Variants in CNOT2 observed in about 807,000 individuals in gnomAD.
CNOT2 encodes the protein CCR4-NOT transcription complex subunit 2.
In CNOT2, 7 loss-of-function variants were observed where a neutral mutation model predicts 72.1. The ratio of observed to expected loss-of-function variants is 0.10; its 90% CI spans 0.06 to 0.18. The LOEUF is 0.18. Among genes scored for constraint, CNOT2 ranks in the 10% least tolerant of loss-of-function variants. The pLI is 1.00. For missense variants in CNOT2, 345 were observed against 660.3 expected, an observed-to-expected ratio of 0.52 and a Z score of 5.23; for synonymous variants, 196 against 225.6, an observed-to-expected ratio of 0.87 and a Z score of 1.17.
At chr12:70,296,064 A>G (rs1872747737) in intron 2 of CNOT2, among the ~76,000 whole-genome samples, 1 of 152,156 alleles carries the variant, frequency 6.6e-6, no homozygotes, top group Non-Finnish European at 1.5e-5. Flanking sequence ...TATTTTCTGA[A>G]TAAAGCAGCT....
intron 3 of CNOT2, among the ~76,000 whole-genome samples, chr12:70,313,133 C>A (rs895376874): frequency 6.6e-6 from 1 of 151,916 alleles, no homozygotes; most frequent in Non-Finnish European, 1.5e-5. Context: ...AGTAAAACAT[C>A]ATTAATTTTA....
chr12:70,256,713 A>G (rs911606022), intron 1 of CNOT2, among the ~76,000 whole-genome samples: 1 of 152,170 alleles, frequency 6.6e-6, no homozygotes, highest in Non-Finnish European at 1.5e-5. Flanking sequence ...ACTGAGGCAA[A>G]CATTGCCATT....
chr12:70,294,318 G>A (rs763582576), intron 2 of CNOT2: 18 of 1,286,358 alleles, frequency 1.4e-5, no homozygotes, highest in South Asian at 2.5e-5. Context: ...GGGGAAAGCC[G>A]GGGGAAAAAT....
At chr12:70,257,384 G>T in intron 1 of CNOT2, among the ~76,000 whole-genome samples, 1 of 127,946 alleles carries the variant, frequency 7.8e-6, no homozygotes, top group Non-Finnish European at 1.6e-5. Flanking sequence ...TTTTTGAGAC[G>T]GAGTCTCGCT....
In CNOT2 at chr12:70,342,254, C is replaced by A. The variant is rs150272270; in HGVS notation, c.1241-4C>A. 6.2e-7 allele frequency: 1 copy of A among 1,613,512 alleles called. No homozygotes were observed. The highest frequency in any genetic ancestry group is 1.3e-5 in the African/African-American group (1 of 74,880). On this transcript the variant is annotated splice_region_variant and splice_polypyrimidine_tract_variant and intron_variant, in intron 12 of 15. Transcript: ENST00000229195. ...AATAAGGCTTTTTTCATTTTATTAT[C>A]CAGACTTCCATGTTCCATCTGAGTA...
intron 2 of CNOT2, among the ~76,000 whole-genome samples, chr12:70,293,703 A>T (rs912107446): frequency 1.3e-5 from 2 of 152,106 alleles, no homozygotes; most frequent in African/African-American, 2.4e-5. Context: ...AAGTACATCC[A>T]TATAGTACAA....
intron 2 of CNOT2, among the ~76,000 whole-genome samples, chr12:70,281,816 TTAAATTTAAACTCATTTAAATTAAA>T (rs71098085): frequency 2.0e-4 from 28 of 142,458 alleles, no homozygotes; most frequent in South Asian, 4.5e-4. Flanking sequence ...AAGTAGCTAT[TTAAATTTAAACTCATTTAAATTAAA>T]TAAATTTAAA....
chr12:70,273,508 A>G (rs1391270232), intron 1 of CNOT2, among the ~76,000 whole-genome samples: 7 of 152,172 alleles, frequency 4.6e-5, no homozygotes, highest in Non-Finnish European at 1.0e-4. Flanking sequence ...TAAATCACAC[A>G]GAAGCTAAGC....
At chr12:70,337,362 A>T (rs1275358275) in intron 8 of CNOT2, 27 bp from the exon 9 acceptor site, 2 of 1,585,800 alleles carry the variant, frequency 1.3e-6, no homozygotes, top group African/African-American at 2.7e-5. Flanking sequence ...ATCAATTGCA[A>T]TTCTCCGGAT....
In CNOT2 at chr12:70,297,336, G is replaced by A. The variant is rs549967599; in HGVS notation, c.49-13559G>A. Among the ~76,000 whole-genome samples the A allele has an allele frequency of 3.6e-4, 55 of 152,278 alleles. 2 individuals carry two copies. The highest frequency in any genetic ancestry group is 2.6e-4 in the Admixed American group (4 of 15,304). Reference sequence around the variant, plus strand: ...GTCTTCATCTTGTATAATGCAAGCAGACTACAAACTCTGTAGCTGGGAGTG... The same window carrying A: ...GTCTTCATCTTGTATAATGCAAGCAAACTACAAACTCTGTAGCTGGGAGTG... On this transcript the variant is annotated intron_variant, in intron 2 of 15. Transcript: ENST00000229195.
At chr12:70,276,309 A>G (rs978338842) in intron 1 of CNOT2, among the ~76,000 whole-genome samples, 2 of 151,992 alleles carry the variant, frequency 1.3e-5, no homozygotes, top group Non-Finnish European at 2.9e-5. Context: ...ATAGATTTCC[A>G]ACATTCTTTT....
chr12:70,248,573 T>A (rs1293909883), intron 1 of CNOT2, among the ~76,000 whole-genome samples: 1 of 152,156 alleles, frequency 6.6e-6, no homozygotes, highest in Non-Finnish European at 1.5e-5. Flanking sequence ...TGAAACTGTG[T>A]TTTGAGAAAC....
chr12:70,315,626 T>G (rs1877200233), intron 3 of CNOT2, among the ~76,000 whole-genome samples: 1 of 152,144 alleles, frequency 6.6e-6, no homozygotes, highest in African/African-American at 2.4e-5. Context: ...CTGTGAAGGG[T>G]TAGGGGAATA....
intron 2 of CNOT2, among the ~76,000 whole-genome samples, chr12:70,303,022 G>A (rs566632661): frequency 0.058 from 8,871 of 151,958 alleles, 110 homozygotes; most frequent in East Asian, 0.14. Context: ...TGTTTTATCA[G>A]AGACTAGGAT....
chr12:70,338,750 C>A lies in CNOT2; in HGVS notation c.1106C>A (p.Thr369Lys), dbSNP rs779748732. The change falls in exon 11 of 16, where the codon ACA becomes AAA. Residue 369 changes from threonine (T) to lysine (K), a missense_variant. Around this residue, in one of 4 missense-constraint regions of CNOT2, gnomAD observed 128 missense variants for 233.0 expected, o/e 0.55. Transcript: ENST00000229195. The stretch of plus-strand genomic sequence containing the variant: ...TTAACATTTATCAGGGCAGCAGAGA[C>A]AGACCCAGGAATGGTACATCTTGCA... ...GLLTFIRAAETDPGMVHLALG... is the reference protein window; with the variant it reads ...GLLTFIRAAEKDPGMVHLALG... The A allele has an allele frequency of 6.2e-7, 1 of 1,613,408 alleles. No homozygotes were observed. Among genetic ancestry groups the A allele is most frequent in the South Asian group, 1.1e-5 (1 of 91,076 alleles).
intron 7 of CNOT2, chr12:70,335,197 T>A (rs1314914817): frequency 3.1e-6 from 1 of 318,672 alleles, no homozygotes; most frequent in Middle Eastern, 9.3e-4. Context: ...CTTTGTTACA[T>A]CTCTAGGATT....
At chr12:70,314,651 AT>A (rs1201850044) in intron 3 of CNOT2, among the ~76,000 whole-genome samples, 1 of 152,210 alleles carries the variant, frequency 6.6e-6, no homozygotes, top group Non-Finnish European at 1.5e-5. Flanking sequence ...AATTAAGTAC[AT>A]TGAGTATTAC....
intron 2 of CNOT2, among the ~76,000 whole-genome samples, chr12:70,299,254 A>G (rs1365621413): frequency 4.3e-4 from 65 of 152,060 alleles, no homozygotes; most frequent in African/African-American, 1.5e-3. Flanking sequence ...TTAAGTTTTA[A>G]GGTACATGTG....
rs772582056 is a variant in CNOT2 at position 70,332,821 on chromosome 12, A to G, written c.624A>G (p.Leu208=). ...AGGCATTTGGAATGAATAACTCCTT[A>G]TCAAGTAACATTTTTAATGGAACAG... The part of the protein sequence containing the change: ...RNQAFGMNNS[L]SSNIFNGTDG... Residue 208 remains leucine, a synonymous_variant, in exon 7 of 16, where the codon TTA becomes TTG. Transcript: ENST00000229195. 7.5e-6 allele frequency: 12 copies of G among 1,605,786 alleles called. No individual in the cohort carries two copies. The highest frequency in any genetic ancestry group is 2.2e-5 in the South Asian group (2 of 89,880).
Sources: allele counts gnomAD v4.1 joint callset (sites outside exome capture counted in the v4.1 genomes callset), GRCh38; gene constraint gnomAD v4.1.1; regional missense constraint gnomAD v4.1.1; transcripts MANE v1.5; gene names NCBI Gene and HGNC (gene_info 2026-07-23, HGNC 2026-07-21).